Variants in CCDC15 observed in about 807,000 individuals in gnomAD.
CCDC15 encodes the protein coiled-coil domain containing 15.
In CCDC15, 105 loss-of-function variants were observed where a neutral mutation model predicts 114.5. That is an observed-to-expected ratio of 0.92 (90% confidence interval 0.78 to 1.08). The LOEUF is 1.08. CCDC15 is among the 50% of genes least tolerant of loss of function. CCDC15 has a pLI of 0.00. For missense variants in CCDC15, 1,105 were observed against 1,093.6 expected, an observed-to-expected ratio of 1.01 and a Z score of -0.15; for synonymous variants, 334 against 377.8, an observed-to-expected ratio of 0.88 and a Z score of 1.34.
chr11:124,996,711 T>C (rs1332390139), intron 11 of CCDC15, among the ~76,000 whole-genome samples: 1 of 152,210 alleles, frequency 6.6e-6, no homozygotes, highest in East Asian at 1.9e-4. Flanking sequence ...TCTCAGTCTC[T>C]TCTCCCCATG....
chr11:124,979,840 T>C (rs1406658473), intron 6 of CCDC15, among the ~76,000 whole-genome samples: 3 of 152,148 alleles, frequency 2.0e-5, no homozygotes, highest in African/African-American at 7.2e-5. Context: ...ATCTTTGTCT[T>C]GTTCTGGTTT....
intron 13 of CCDC15, among the ~76,000 whole-genome samples, chr11:125,012,734 A>G (rs186963183): frequency 9.8e-5 from 15 of 152,372 alleles, no homozygotes; most frequent in African/African-American, 3.4e-4. Flanking sequence ...CAGAATTTTT[A>G]TAATTCACAA....
chr11:125,033,178 T>A (rs1403033637), intron 13 of CCDC15, among the ~76,000 whole-genome samples: 1 of 152,216 alleles, frequency 6.6e-6, no homozygotes, highest in Admixed American at 6.5e-5. Context: ...AAAATTAGTC[T>A]TTTGTCCACT....
intron 11 of CCDC15, among the ~76,000 whole-genome samples, chr11:124,995,534 A>G (rs1027929075): frequency 6.6e-6 from 1 of 152,184 alleles, no homozygotes; most frequent in Non-Finnish European, 1.5e-5. Context: ...TCAGTCAAAC[A>G]TCTATTGAGC....
rs878887902 is a variant in CCDC15 at position 124,986,700 on chromosome 11, T to TGTGTGTGTGTGTGTGCGC, written c.754-41_754-40insTGTGTGTGTGTGTGCGCG. On this transcript the variant is annotated intron_variant, in intron 6 of 15. Coordinates refer to ENST00000344762, the MANE Select transcript of CCDC15 (RefSeq NM_025004.3). The stretch of plus-strand genomic sequence containing the variant: ...GTGTGTGTGTGTGTGTTTGTGTGTG[T>TGTGTGTGTGTGTGTGCGC]GCGCGCGCGCGCGTGCGCGTTTTCA... The TGTGTGTGTGTGTGTGCGC allele has an allele frequency of 4.4e-5, 60 of 1,352,980 alleles. 2 individuals carry two copies. The highest frequency in any genetic ancestry group is 1.8e-4 in the African/African-American group (11 of 61,602). The allele number at this position is 1,352,980 out of a possible 1,614,324, so 83.8% of individuals were successfully genotyped here. A position where few individuals can be genotyped will look rare whatever the true frequency, so the allele number is the denominator to read the frequency against.
intron 4 of CCDC15, among the ~76,000 whole-genome samples, chr11:124,970,621 G>T (rs1947862297): frequency 6.6e-6 from 1 of 152,040 alleles, no homozygotes; most frequent in Admixed American, 6.5e-5. Context: ...ATAAATATTA[G>T]ATCTCATCTA....
chr11:124,991,520 T>C lies in CCDC15; in HGVS notation c.1968T>C (p.Phe656=). 6.2e-7 allele frequency: 1 copy of C among 1,610,024 alleles called. No homozygotes were observed. The highest frequency in any genetic ancestry group is 8.5e-7 in the Non-Finnish European group (1 of 1,177,020). The change falls in exon 9 of 16, where the codon TTT becomes TTC. Residue 656 remains phenylalanine, a synonymous_variant. Transcript: ENST00000344762. ...CAGATGAGAAAGGGAGAGAAGACTT[T>C]TCTCTGGCAGACTATCAGTGTTTGC... ...DMTDEKGRED[F]SLADYQCLPP...
intron 10 of CCDC15, 23 bp downstream of exon 10, chr11:124,992,710 G>A: frequency 8.0e-7 from 1 of 1,247,344 alleles, no homozygotes; most frequent in South Asian, 1.3e-5. Context: ...ACAGTAGGAG[G>A]ACTGTATACC....
chr11:124,982,062 T>A (rs1948081492), intron 6 of CCDC15, among the ~76,000 whole-genome samples: 5 of 152,232 alleles, frequency 3.3e-5, no homozygotes, highest in Admixed American at 3.3e-4. Flanking sequence ...TGTCTTTTTT[T>A]AAATTGTTAT....
intron 13 of CCDC15, among the ~76,000 whole-genome samples, chr11:125,035,762 C>T (rs556147924): frequency 4.5e-4 from 68 of 152,134 alleles, no homozygotes; most frequent in African/African-American, 1.5e-3. Flanking sequence ...TATGAAGTTA[C>T]GATGAGGCTT....
chr11:125,026,258 G>T (rs1049955968), intron 13 of CCDC15, among the ~76,000 whole-genome samples: 3 of 152,208 alleles, frequency 2.0e-5, no homozygotes, highest in Non-Finnish European at 2.9e-5. Flanking sequence ...CTGGATGGAC[G>T]ATTCCCCTCT....
chr11:125,032,752 A>G (rs1404603067), intron 13 of CCDC15, among the ~76,000 whole-genome samples: 1 of 152,180 alleles, frequency 6.6e-6, no homozygotes, highest in Non-Finnish European at 1.5e-5. Context: ...CCAATTATGC[A>G]TTCTGGCACT....
At chr11:124,966,587 CTT>C (rs1947788253) in intron 4 of CCDC15, among the ~76,000 whole-genome samples, 2 of 152,162 alleles carry the variant, frequency 1.3e-5, no homozygotes, top group East Asian at 3.9e-4. Flanking sequence ...GGTCTTGACT[CTT>C]TATTCAATTT....
Position 125,038,594 on chromosome 11 carries a change from G to A in CCDC15, c.2575G>A (p.Glu859Lys), listed in dbSNP as rs539300060. ...CAGAGAAAAACAACAGAGAGAAAAA[G>A]AATACCTGAGGTAATTTGAAAAGGT... is the stretch of plus-strand genomic sequence containing the variant. ...GTREKQQREK[E>K]YLRYVEALRA... The change falls in exon 14 of 16, where the codon GAA becomes AAA. Residue 859 changes from glutamate to lysine, a missense_variant. Glu to Lys is a moderately conservative substitution (Grantham distance 56). Transcript: ENST00000344762. 6.4e-7 allele frequency: 1 copy of A among 1,562,820 alleles called. No individual in the cohort carries two copies. The highest frequency in any genetic ancestry group is 1.2e-5 in the South Asian group (1 of 82,142).
intron 4 of CCDC15, among the ~76,000 whole-genome samples, chr11:124,967,778 C>CTTT: frequency 6.6e-6 from 1 of 152,096 alleles, no homozygotes; most frequent in Non-Finnish European, 1.5e-5. Context: ...TTTTATTTAC[C>CTTT]TTTGGTCTTT....
chr11:124,988,590 G>A (rs773997003), intron 8 of CCDC15, among the ~76,000 whole-genome samples: 1 of 152,056 alleles, frequency 6.6e-6, no homozygotes, highest in South Asian at 2.1e-4. Context: ...TTCCTTTCAC[G>A]AAACATTTCT....
Position 124,993,258 on chromosome 11 carries a change from A to G in CCDC15, c.2214+15A>G, listed in dbSNP as rs768026251. The G allele has an allele frequency of 6.7e-6, 10 of 1,496,538 alleles. No homozygotes were observed. In the East Asian group the frequency reaches 1.6e-4, roughly 24 times the overall value. 92.7% of individuals were successfully genotyped at this position (1,496,538 alleles called of 1,614,324 possible). ...GAGTGCCCTTGGTATGTTTCACACA[A>G]TATTCAAGATCTAGTCTCTTCTAGA... On this transcript the variant is annotated intron_variant, in intron 11 of 15. Coordinates refer to ENST00000344762, the MANE Select transcript of CCDC15 (RefSeq NM_025004.3).
At chr11:125,019,656 G>A (rs1434727754) in intron 13 of CCDC15, among the ~76,000 whole-genome samples, 1 of 151,858 alleles carries the variant, frequency 6.6e-6, no homozygotes, top group Non-Finnish European at 1.5e-5. Flanking sequence ...AAGAATTCAA[G>A]GATAACTCCC....
chr11:125,038,086 ATT>A (rs2135545243), intron 13 of CCDC15: 1 of 154,648 alleles, frequency 6.5e-6, no homozygotes, highest in South Asian at 2.0e-4. Context: ...TGCCTGGCTA[ATT>A]TTTGTATTTT....
Sources: allele counts gnomAD v4.1 joint callset (sites outside exome capture counted in the v4.1 genomes callset), GRCh38; gene constraint gnomAD v4.1.1; transcripts MANE v1.5; gene names NCBI Gene and HGNC (gene_info 2026-07-23, HGNC 2026-07-21).